The following LDLRAD4 variants were observed in gnomAD, a reference collection of about 807,000 sequenced individuals.
LDLRAD4 encodes the protein low-density lipoprotein receptor class A domain-containing protein 4.
In LDLRAD4, 5 loss-of-function variants were observed where a neutral mutation model predicts 17.0. The observed-to-expected ratio is 0.29, with a 90% CI of 0.15 to 0.62. The LOEUF is 0.62. Among genes scored for constraint, LDLRAD4 ranks in the 20% least tolerant of loss-of-function variants. The probability of loss-of-function intolerance (pLI) is 0.84; values close to 1 mark genes in which losing one functional copy is unlikely to be tolerated. For missense variants in LDLRAD4, 340 were observed against 424.7 expected (o/e 0.80, Z 1.75); for synonymous variants, 168 against 171.8 (o/e 0.98, Z 0.17).
At chr18:13,554,015 AT>A (rs1239871227) in intron 3 of LDLRAD4, among the ~76,000 whole-genome samples, 1 of 152,088 alleles carries the variant, frequency 6.6e-6, no homozygotes, top group Non-Finnish European at 1.5e-5. Context: ...ATTTCTTCTA[AT>A]TATTCTAGTC....
At chr18:13,595,772 T>G (rs1199230635) in intron 3 of LDLRAD4, among the ~76,000 whole-genome samples, 2 of 152,246 alleles carry the variant, frequency 1.3e-5, no homozygotes, top group Admixed American at 1.3e-4. Flanking sequence ...AGGGTATATA[T>G]TGGGTGATTT....
At chr18:13,226,367 T>C (rs1266725889) in intron 1 of LDLRAD4, among the ~76,000 whole-genome samples, 1 of 151,660 alleles carries the variant, frequency 6.6e-6, no homozygotes, top group Non-Finnish European at 1.5e-5. Context: ...AAAAGGGAAA[T>C]TGGGGGCTAT....
At chr18:13,335,124 C>G (rs903567360) in intron 1 of LDLRAD4, among the ~76,000 whole-genome samples, 1 of 151,972 alleles carries the variant, frequency 6.6e-6, no homozygotes, top group Admixed American at 6.6e-5. Flanking sequence ...CTTATTGGGC[C>G]TATTTTAAGT....
At position 13,475,379 on chromosome 18, in the gene LDLRAD4, A is replaced by C. The variant is rs556730304; in HGVS notation, c.181+36995A>C. 2.0e-5 allele frequency among the ~76,000 whole-genome samples: 3 copies of C among 151,444 alleles called. No individual in the cohort carries two copies. In the South Asian group the frequency reaches 6.3e-4, roughly 32 times the overall value. On this transcript the variant is annotated intron_variant, in intron 3 of 5. Coordinates refer to ENST00000359446, the Ensembl canonical transcript of LDLRAD4. The stretch of plus-strand genomic sequence containing the variant: ...TAGGCTCCAGGAATCCTTGTGGCTC[A>C]GCCTCCAGAGTAGCTGGGACTCTGG...
At chr18:13,383,463 C>G (rs1215582833) in intron 1 of LDLRAD4, among the ~76,000 whole-genome samples, 1 of 152,202 alleles carries the variant, frequency 6.6e-6, no homozygotes, top group African/African-American at 2.4e-5. Context: ...AAAGAAGCAT[C>G]TCCAGGGAGG....
At chr18:13,223,782 C>T (rs568293395) in intron 1 of LDLRAD4, among the ~76,000 whole-genome samples, 6 of 152,326 alleles carry the variant, frequency 3.9e-5, no homozygotes, top group African/African-American at 1.4e-4. Context: ...ATCTAATCCT[C>T]ACAGCGGCCC....
At chr18:13,617,730 C>T (rs2040218539) in intron 3 of LDLRAD4, among the ~76,000 whole-genome samples, 1 of 152,128 alleles carries the variant, frequency 6.6e-6, no homozygotes. Context: ...ACACAAATTA[C>T]CATAACCATA....
intron 3 of LDLRAD4, among the ~76,000 whole-genome samples, chr18:13,502,776 C>G (rs1336046889): frequency 6.6e-6 from 1 of 152,174 alleles, no homozygotes; most frequent in African/African-American, 2.4e-5. Flanking sequence ...CTCAGTGCTT[C>G]GGGGTGAATT....
At chr18:13,280,663 A>T (rs1010645350) in intron 1 of LDLRAD4, among the ~76,000 whole-genome samples, 1 of 152,076 alleles carries the variant, frequency 6.6e-6, no homozygotes, top group African/African-American at 2.4e-5. Flanking sequence ...CCATTCCCTG[A>T]CCTCCGCATA....
intron 3 of LDLRAD4, chr18:13,526,605 GT>G (rs2094035633): frequency 6.6e-6 from 1 of 152,182 alleles, no homozygotes; most frequent in South Asian, 2.1e-4. Context: ...CTCTTGTGAG[GT>G]TATTTTTGGT....
At chr18:13,506,810 A>G (rs1445766839) in intron 3 of LDLRAD4, among the ~76,000 whole-genome samples, 1 of 152,226 alleles carries the variant, frequency 6.6e-6, no homozygotes, top group Non-Finnish European at 1.5e-5. Context: ...AGTTGCCAAC[A>G]GACTTTGAGA....
chr18:13,503,285 T>G (rs1441550669), intron 3 of LDLRAD4, among the ~76,000 whole-genome samples: 4 of 152,224 alleles, frequency 2.6e-5, no homozygotes, highest in Non-Finnish European at 5.9e-5. Context: ...CACTTTCTGC[T>G]TCAGCAGCAT....
At chr18:13,462,998 G>A (rs1311824008) in intron 3 of LDLRAD4, among the ~76,000 whole-genome samples, 1 of 152,196 alleles carries the variant, frequency 6.6e-6, no homozygotes, top group Non-Finnish European at 1.5e-5. Flanking sequence ...CGACTGCCAG[G>A]GGCAGCAGCC....
chr18:13,222,085 G>A (rs932171221), intron 1 of LDLRAD4, among the ~76,000 whole-genome samples: 7 of 152,172 alleles, frequency 4.6e-5, no homozygotes, highest in African/African-American at 1.7e-4. Flanking sequence ...AGACGGGGGT[G>A]GGGTCTGGAT....
chr18:13,573,528 C>T (rs1438621091), intron 3 of LDLRAD4, among the ~76,000 whole-genome samples: 1 of 152,260 alleles, frequency 6.6e-6, no homozygotes, highest in East Asian at 1.9e-4. Flanking sequence ...GTGTGAGCCA[C>T]TGGCTGCTCT....
At chr18:13,582,174 AAAC>A (rs1430919263) in intron 3 of LDLRAD4, among the ~76,000 whole-genome samples, 1 of 152,214 alleles carries the variant, frequency 6.6e-6, no homozygotes, top group African/African-American at 2.4e-5. Context: ...ATGAGGGAAA[AAAC>A]AAAAAAACCT....
At chr18:13,295,004 G>A (rs8084225) in intron 1 of LDLRAD4, among the ~76,000 whole-genome samples, 36,053 of 151,720 alleles carry the variant, frequency 0.24, 5,314 homozygotes, top group East Asian at 0.44. Context: ...AGTATCAAGC[G>A]CAATAAAGGT....
chr18:13,234,413 A>G (rs548715309), intron 1 of LDLRAD4, among the ~76,000 whole-genome samples: 14 of 147,654 alleles, frequency 9.5e-5, no homozygotes, highest in South Asian at 4.3e-4. Flanking sequence ...AGGGCAGACA[A>G]TCGTCTTCTT....
chr18:13,517,237 C>A (rs955705342), intron 3 of LDLRAD4, among the ~76,000 whole-genome samples: 1 of 152,240 alleles, frequency 6.6e-6, no homozygotes. Context: ...TAAGAATCAT[C>A]AATTCCAGTG....
Sources: gnomAD v4.1 joint callset for allele counts (sites outside exome capture counted in the v4.1 genomes callset) on GRCh38, gnomAD v4.1.1 for gene constraint, MANE v1.5 for transcripts, NCBI Gene and HGNC (gene_info 2026-07-23, HGNC 2026-07-21) for gene names.